SERPINF1: variants seen among roughly 807,000 people sequenced by gnomAD.
The protein encoded by SERPINF1 is pigment epithelium-derived factor.
Under a neutral mutation model 37.3 loss-of-function variants are expected in SERPINF1, and 29 were observed. That is an observed-to-expected ratio of 0.78 (90% CI 0.58 to 1.06). SERPINF1 has a LOEUF of 1.06. SERPINF1 is among the 50% of genes least tolerant of loss of function. The pLI is 0.00. For synonymous variants in SERPINF1, 281 were observed against 227.9 expected, an observed-to-expected ratio of 1.23 and a Z score of -2.10; for missense variants, 553 against 532.2, an observed-to-expected ratio of 1.04 and a Z score of -0.38.
chr17:1,773,273 T>C (rs1331588917), intron 5 of SERPINF1, among the ~76,000 whole-genome samples: 3 of 152,182 alleles, frequency 2.0e-5, no homozygotes, highest in African/African-American at 7.2e-5. Context: ...AGATGGAGTC[T>C]CATTCTGTTG....
chr17:1,771,673 C>A lies in SERPINF1; in HGVS notation c.440-199C>A, dbSNP rs945933556. The A allele has an allele frequency of 6.3e-6, 4 of 635,080 alleles. 1 individual carries two copies. In the South Asian group the frequency reaches 6.9e-5, roughly 11 times the overall value. 39.3% of individuals were successfully genotyped at this position (635,080 alleles called of 1,614,324 possible). On this transcript the variant is annotated intron_variant, in intron 4 of 7. Coordinates refer to ENST00000254722, the MANE Select transcript of SERPINF1 (RefSeq NM_002615.7). ...GTGGGAGGGGCAGGGAGGGCAGTGGCGCGATGTGGGGAAATCTGCTGCCCC... is the reference window on the plus strand; with the variant it reads ...GTGGGAGGGGCAGGGAGGGCAGTGGAGCGATGTGGGGAAATCTGCTGCCCC...
At chr17:1,768,189 T>C (rs1251135041) in intron 2 of SERPINF1, among the ~76,000 whole-genome samples, 1 of 152,050 alleles carries the variant, frequency 6.6e-6, no homozygotes, top group Non-Finnish European at 1.5e-5. Context: ...CCCAGCACTT[T>C]GGGAGGCGGA....
Position 1,775,102 on chromosome 17 carries a change from G to T in SERPINF1, c.688G>T (p.Asp230Tyr). 6.2e-7 allele frequency: 1 copy of T among 1,614,056 alleles called. No homozygotes were observed. The highest frequency in any genetic ancestry group is 8.5e-7 in the Non-Finnish European group (1 of 1,180,006). ...TGACTCCAGAAAGACTTCCCTCGAG[G>T]ATTTCTACTTGGATGAAGAGAGGAC... ...KFDSRKTSLEDFYLDEERTVR... is the reference protein window; with the variant it reads ...KFDSRKTSLEYFYLDEERTVR... The change falls in exon 6 of 8, where the codon GAT (aspartate) becomes TAT (tyrosine). Residue 230 changes from aspartate to tyrosine, a missense_variant. Asp to Tyr is a radical substitution (Grantham distance 160, BLOSUM62 -3). Coordinates refer to ENST00000254722, the MANE Select transcript of SERPINF1 (RefSeq NM_002615.7).
In SERPINF1 at chr17:1,777,294, G is replaced by A; in HGVS notation, c.1105G>A (p.Ala369Thr). 2 of 1,614,130 alleles carry A rather than the reference G, an allele frequency of 1.2e-6. No individual in the cohort carries two copies. The highest frequency in any genetic ancestry group is 1.7e-6 in the Non-Finnish European group (2 of 1,180,028). The change falls in exon 8 of 8, where the codon GCG (alanine) becomes ACG (threonine). Residue 369 changes from alanine to threonine, a missense_variant. By Grantham distance (58) the Ala-to-Thr change is moderately conservative. Transcript: ENST00000254722. ...RAGFEWNEDGAGTTPSPGLQP... is the reference protein window; with the variant it reads ...RAGFEWNEDGTGTTPSPGLQP... Reference sequence around the variant, plus strand: ...TGGCTTTGAGTGGAACGAGGATGGGGCGGGAACCACCCCCAGCCCAGGGCT... The same window carrying A: ...TGGCTTTGAGTGGAACGAGGATGGGACGGGAACCACCCCCAGCCCAGGGCT...
chr17:1,772,076 G>T lies in SERPINF1; in HGVS notation c.643+1G>T. On this transcript the variant is annotated splice_donor_variant, in intron 5 of 7. Transcript: ENST00000254722. LOFTEE classifies it high-confidence loss of function. ...CTTCTCGGTGTGGCGCACTTCAAGG[G>T]TGAGCGCGTCTCCAATTCTTTTTCA... 6.2e-7 allele frequency: 1 copy of T among 1,603,862 alleles called. No individual in the cohort carries two copies.
In SERPINF1 at chr17:1,770,012, C is replaced by T. The variant is rs745474553; in HGVS notation, c.245C>T (p.Pro82Leu). ...TSPTTNVLLSPLSVATALSAL... is the reference protein window; with the variant it reads ...TSPTTNVLLSLLSVATALSAL... ...CCCACGACCAACGTGCTCCTGTCTC[C>T]TCTCAGTGTGGCCACGGCCCTCTCG... The change falls in exon 3 of 8, where the codon CCT becomes CTT. Residue 82 changes from proline (P) to leucine (L), a missense_variant. By Grantham distance (98) the Pro-to-Leu change is moderately conservative (BLOSUM62 -3). Transcript: ENST00000254722. 5 of 1,614,220 alleles carry T rather than the reference C, an allele frequency of 3.1e-6. No homozygotes were observed. Among genetic ancestry groups the T allele is most frequent in the Non-Finnish European group, 4.2e-6 (5 of 1,180,028 alleles).
At position 1,770,991 on chromosome 17, in the gene SERPINF1, TGTGCAGTTATCAACGTCCAC is replaced by T. The variant is rs1907689715; in HGVS notation, c.284-37_284-18del. ...GAGGGGGCTTGATTTGGGGCCCTGG[TGTGCAGTTATCAACGTCCAC>T]ATCCTTGTCTCTGGCAGGAGCGGAG... On this transcript the variant is annotated intron_variant, in intron 3 of 7. Coordinates refer to ENST00000254722, the MANE Select transcript of SERPINF1 (RefSeq NM_002615.7). 1.2e-6 allele frequency: 2 copies of T among 1,613,440 alleles called. No individual in the cohort carries two copies. The highest frequency in any genetic ancestry group is 3.3e-5 in the Admixed American group (2 of 59,978).
chr17:1,771,104 G>A lies in SERPINF1; in HGVS notation c.359G>A (p.Gly120Asp), dbSNP rs775629296. The A allele has an allele frequency of 1.2e-6, 2 of 1,614,052 alleles. No homozygotes were observed. The highest frequency in any genetic ancestry group is 2.2e-5 in the South Asian group (2 of 91,076). The change falls in exon 4 of 8, where the codon GGT becomes GAT. Residue 120 changes from glycine (G) to aspartate (D), a missense_variant. By Grantham distance (94) the Gly-to-Asp change is moderately conservative. Coordinates refer to ENST00000254722, the MANE Select transcript of SERPINF1 (RefSeq NM_002615.7). ...YDLISSPDIH[G>D]TYKELLDTVT... The stretch of plus-strand genomic sequence containing the variant: ...TTGATCAGCAGCCCAGACATCCATG[G>A]TACCTATAAGGAGCTCCTTGACACG...
intron 4 of SERPINF1, 120 bp from the exon 5 acceptor site, chr17:1,771,752 G>C (rs566387606): frequency 3.3e-5 from 31 of 926,372 alleles, no homozygotes; most frequent in Admixed American, 2.1e-4. Context: ...ACAGGAAGAT[G>C]CTGGCTGGGA....
chr17:1,770,707 G>A (rs989332615), intron 3 of SERPINF1: 16 of 351,682 alleles, frequency 4.5e-5, no homozygotes, highest in Middle Eastern at 9.7e-4. Context: ...CGATCCACCC[G>A]CCTTGGCCTC....
intron 1 of SERPINF1, chr17:1,762,800 G>A (rs1236491395): frequency 6.6e-6 from 1 of 152,400 alleles, no homozygotes; most frequent in South Asian, 2.1e-4. Flanking sequence ...AGGTGTATAG[G>A]GCATGGGGGC....
chr17:1,766,233 G>A (rs1907360180), intron 1 of SERPINF1: 1 of 152,308 alleles, frequency 6.6e-6, no homozygotes, highest in Non-Finnish European at 1.5e-5. Context: ...GCTGGGGCTG[G>A]GGCCCCACTG....
intron 1 of SERPINF1, 121 bp downstream of exon 1, chr17:1,762,234 G>C (rs1297968940): frequency 3.3e-5 from 5 of 152,730 alleles, no homozygotes; most frequent in African/African-American, 1.2e-4. Flanking sequence ...CAAGGGAGAG[G>C]AAATGCGGAG....
At chr17:1,773,836 T>TG (rs1313858236) in intron 5 of SERPINF1, among the ~76,000 whole-genome samples, 3 of 151,912 alleles carry the variant, frequency 2.0e-5, no homozygotes, top group African/African-American at 7.3e-5. Flanking sequence ...TGGGGTGGCC[T>TG]GGGGTAGGGG....
At chr17:1,768,370 G>A (rs1907513170) in intron 2 of SERPINF1, among the ~76,000 whole-genome samples, 2 of 148,634 alleles carry the variant, frequency 1.3e-5, no homozygotes, top group Non-Finnish European at 1.5e-5. Context: ...GGTGGAGGTT[G>A]CAGTGAGCTG....
intron 5 of SERPINF1, among the ~76,000 whole-genome samples, chr17:1,772,622 G>A (rs945630983): frequency 2.7e-5 from 4 of 150,628 alleles, no homozygotes; most frequent in Admixed American, 6.7e-5. Context: ...GCAGTGGCGC[G>A]ATCTCGGCTC....
intron 1 of SERPINF1, among the ~76,000 whole-genome samples, chr17:1,765,268 A>G (rs1907307249): frequency 6.6e-6 from 1 of 151,246 alleles, no homozygotes; most frequent in South Asian, 2.1e-4. Context: ...TTAGCCCTCC[A>G]AGTAGCTGGG....
rs113947687 is a variant in SERPINF1, at chr17:1,771,027, A to G, written c.284-2A>G. 4 of 1,614,028 alleles carry G rather than the reference A, an allele frequency of 2.5e-6. No homozygotes were observed. The East Asian group carries it at 8.9e-5, about 36-fold the overall frequency. ...CAACGTCCACATCCTTGTCTCTGGC[A>G]GGAGCGGAGCAGCGAACAGAATCCA... is the stretch of plus-strand genomic sequence containing the variant. On this transcript the variant is annotated splice_acceptor_variant, in intron 3 of 7. Coordinates refer to ENST00000254722, the MANE Select transcript of SERPINF1 (RefSeq NM_002615.7). LOFTEE classifies it high-confidence loss of function.
Position 1,769,848 on chromosome 17 carries a change from C to T in SERPINF1, c.85-4C>T. The T allele has an allele frequency of 6.2e-7, 1 of 1,614,180 alleles. No individual in the cohort carries two copies. Among genetic ancestry groups the T allele is most frequent in the Non-Finnish European group, 8.5e-7 (1 of 1,180,026 alleles). ...CAAACCCAAGACTTCCTGTCTCCTG[C>T]CAGGGCTCCCCAGACCCCGACAGCA... is the stretch of plus-strand genomic sequence containing the variant. On this transcript the variant is annotated splice_region_variant and splice_polypyrimidine_tract_variant and intron_variant, in intron 2 of 7. Transcript: ENST00000254722.
Sources: gnomAD v4.1 joint callset for allele counts (sites outside exome capture counted in the v4.1 genomes callset) on GRCh38, gnomAD v4.1.1 for gene constraint, MANE v1.5 for transcripts, NCBI Gene and HGNC (gene_info 2026-07-23, HGNC 2026-07-21) for gene names.